Variants in ARL10 observed in about 807,000 individuals in gnomAD.
ARL10 encodes the protein ADP-ribosylation factor-like protein 10.
ARL10 carries 23 observed loss-of-function variants against 26.1 expected under a neutral mutation model. The ratio of observed to expected loss-of-function variants is 0.88; its 90% CI spans 0.63 to 1.25. ARL10 has a LOEUF of 1.25. Among genes scored for constraint, ARL10 ranks in the 50% most tolerant of loss-of-function variants. The pLI is 0.00. For missense variants in ARL10, 300 were observed against 323.6 expected (o/e 0.93, Z 0.56); for synonymous variants, 138 against 149.1 (o/e 0.93, Z 0.54).
At chr5:176,398,670 C>T (rs536774938) in intron 1 of ARL10, among the ~76,000 whole-genome samples, 2 of 152,008 alleles carry the variant, frequency 1.3e-5, no homozygotes, top group Non-Finnish European at 1.5e-5. Flanking sequence ...CGAGATCACA[C>T]CATTGCACTC....
rs1768655493 is a variant in ARL10 at position 176,375,171 on chromosome 5, C to CCCACCCACCCATCCACCCAT, written c.*3280_*3299dup. The CCCACCCACCCATCCACCCAT allele has an allele frequency of 9.6e-5, 6 of 62,518 alleles. 1 individual carries two copies. In the East Asian group the frequency reaches 3.4e-3, roughly 35 times the overall value. The allele number at this position is 62,518 out of a possible 1,614,324, so 3.9% of individuals were successfully genotyped here. A position where few individuals can be genotyped will look rare whatever the true frequency, so the allele number is the denominator to read the frequency against. ...ACCCACCCACCCATCCATCCACCCA[C>CCCACCCACCCATCCACCCAT]CCACCCACCCATCCACCCATCCATC... On this transcript the variant is annotated 3_prime_UTR_variant, in exon 4 of 4. Transcript: ENST00000310389.
Position 176,379,139 on chromosome 5 carries a change from T to C in ARL10, c.*7244T>C, listed in dbSNP as rs1284460449. ...CATGATATGTGATGGGCCTGTGCTT[T>C]CCCAACTATGTTCTTTTTTATGTAT... On this transcript the variant is annotated 3_prime_UTR_variant, in exon 4 of 4. Coordinates refer to ENST00000310389, the MANE Select transcript of ARL10 (RefSeq NM_173664.6). 2.0e-5 allele frequency: 3 copies of C among 152,130 alleles called. No homozygotes were observed. Among genetic ancestry groups the C allele is most frequent in the South Asian group, 4.1e-4 (2 of 4,830 alleles). The allele number at this position is 152,130 out of a possible 1,614,324, so 9.4% of individuals were successfully genotyped here.
At chr5:176,384,598 G>A, downstream of ARL10, 2 of 567,730 alleles carry the variant, frequency 3.5e-6, no homozygotes, top group Middle Eastern at 4.7e-4. Flanking sequence ...GCCACCCTGG[G>A]CAACCCAGTG....
At chr5:176,412,174 C>CA in the ARL10 span, among the ~76,000 whole-genome samples, 14,071 of 82,030 alleles carry the variant, frequency 0.17, 1,175 homozygotes, top group Middle Eastern at 0.27. Flanking sequence ...AGACTCATCT[C>CA]AAAAAAAAAA....
downstream of ARL10, chr5:176,389,546 G>T: frequency 6.4e-7 from 1 of 1,563,138 alleles, no homozygotes; most frequent in South Asian, 1.2e-5. Flanking sequence ...CCAAAACCCA[G>T]GGAGCAACCA....
In ARL10 at chr5:176,368,467, G is replaced by A. The variant is rs897664402; in HGVS notation, c.386-340G>A. On this transcript the variant is annotated intron_variant, in intron 2 of 3. Coordinates refer to ENST00000310389, the MANE Select transcript of ARL10 (RefSeq NM_173664.6). This position sits in a 1 kb window ranked among gnomAD's most constrained non-coding sequence, Gnocchi z 4.1. ...GTGTCAGTCCCGTGAAAGGTACATC[G>A]CACGTGGTACCTGTGGGTTTTACTG... Among the ~76,000 whole-genome samples, 1 of 152,078 alleles carries A rather than the reference G, an allele frequency of 6.6e-6. No individual in the cohort carries two copies. The highest frequency in any genetic ancestry group is 2.1e-4 in the South Asian group (1 of 4,812).
At chr5:176,413,128 T>C in the ARL10 span, among the ~76,000 whole-genome samples, 1 of 152,142 alleles carries the variant, frequency 6.6e-6, no homozygotes. Context: ...TCCAAGTACC[T>C]GTTCCCACAG....
chr5:176,372,188 T>A lies in ARL10; in HGVS notation c.*293T>A. On this transcript the variant is annotated 3_prime_UTR_variant, in exon 4 of 4. Coordinates refer to ENST00000310389, the MANE Select transcript of ARL10 (RefSeq NM_173664.6). ...GCTTTCCCTTCTCTTACCTGTACAG[T>A]GAGATGCTCAGTGGGCTCAATCCTC... 1 of 879,726 alleles carries A rather than the reference T, an allele frequency of 1.1e-6. No individual in the cohort carries two copies. The highest frequency in any genetic ancestry group is 1.5e-6 in the Non-Finnish European group (1 of 659,842). 54.5% of individuals were successfully genotyped at this position (879,726 alleles called of 1,614,324 possible). A position where few individuals can be genotyped will look rare whatever the true frequency, so the allele number is the denominator to read the frequency against.
chr5:176,412,119 T>A, the ARL10 span, among the ~76,000 whole-genome samples: 1 of 142,388 alleles, frequency 7.0e-6, no homozygotes, highest in African/African-American at 2.6e-5. Flanking sequence ...GAGCTTGCAG[T>A]GAGCCGAGAT....
chr5:176,367,956 A>G (rs1768380640), intron 2 of ARL10: 1 of 531,290 alleles, frequency 1.9e-6, no homozygotes, highest in African/African-American at 1.9e-5. Flanking sequence ...CACCCAGATC[A>G]GTGCTTGGCA....
chr5:176,370,603 G>C (rs1429298046), intron 3 of ARL10, among the ~76,000 whole-genome samples: 1 of 152,036 alleles, frequency 6.6e-6, no homozygotes, highest in African/African-American at 2.4e-5. Context: ...TCTTGTTCTG[G>C]CACTATTAAT....
At chr5:176,410,105 A>C in the ARL10 span, 1 of 658,150 alleles carries the variant, frequency 1.5e-6, no homozygotes. Flanking sequence ...TGACAAAAAA[A>C]ATTCCAAAAA....
At chr5:176,371,252 G>GGCCTA (rs1768526370) in intron 3 of ARL10, among the ~76,000 whole-genome samples, 1 of 152,216 alleles carries the variant, frequency 6.6e-6, no homozygotes. Flanking sequence ...GCTCACACCT[G>GGCCTA]TAGTCCCAGC....
rs1755490340 is a variant in ARL10 at position 176,379,238 on chromosome 5, A to T, written c.*7343A>T. 1 of 152,056 alleles carries T rather than the reference A, an allele frequency of 6.6e-6. No individual in the cohort carries two copies. The highest frequency in any genetic ancestry group is 1.5e-5 in the Non-Finnish European group (1 of 68,018). The allele number at this position is 152,056 out of a possible 1,614,324, so 9.4% of individuals were successfully genotyped here. On this transcript the variant is annotated 3_prime_UTR_variant, in exon 4 of 4. Transcript: ENST00000310389. ...AGCTGGAGTGCAGTGGTGTAATCTC[A>T]GCTCGCTGCAATCTCCGCCTCCCAG...
chr5:176,368,915 GA>G lies in ARL10; in HGVS notation c.495del (p.Gln166ArgfsTer24), dbSNP rs1561772684. 1.2e-6 allele frequency: 2 copies of G among 1,613,940 alleles called. No individual in the cohort carries two copies. Among genetic ancestry groups the G allele is most frequent in the African/African-American group, 1.3e-5 (1 of 74,920 alleles). ...GACCGACTGCGGCTGCCCTGGGCCCGACAGGAGCTGCACAAGCTGCTGGACA... is the reference window on the plus strand; with the variant it reads ...GACCGACTGCGGCTGCCCTGGGCCCGCAGGAGCTGCACAAGCTGCTGGACA... ...SADRLRLPWA[R>X]QELHKLLDKD... is the part of the protein sequence containing the mutation. On this transcript the variant is annotated frameshift_variant, in exon 3 of 4. Transcript: ENST00000310389. LOFTEE classifies it high-confidence loss of function. The surrounding 1 kb of genome is among the most constrained non-coding windows in gnomAD (Gnocchi z 4.1).
the ARL10 span, among the ~76,000 whole-genome samples, chr5:176,407,846 A>C: frequency 6.6e-6 from 1 of 152,286 alleles, no homozygotes; most frequent in Non-Finnish European, 1.5e-5. Context: ...TAGTTGAGTA[A>C]TTTTCCAGAA....
At chr5:176,391,011 C>T (rs1232202679), downstream of ARL10, among the ~76,000 whole-genome samples, 3 of 152,116 alleles carry the variant, frequency 2.0e-5, no homozygotes, top group African/African-American at 4.8e-5. Flanking sequence ...GCGCTCTTCC[C>T]GAGTGATTGT....
At chr5:176,389,384 G>T, downstream of ARL10, 3 of 1,614,106 alleles carry the variant, frequency 1.9e-6, no homozygotes, top group Non-Finnish European at 2.5e-6. Context: ...CTTCCACCGG[G>T]GCAACAGCCA....
rs769039295 is a variant in ARL10 at position 176,368,270 on chromosome 5, G to A, written c.386-537G>A. 2.0e-5 allele frequency among the ~76,000 whole-genome samples: 3 copies of A among 152,182 alleles called. No individual in the cohort carries two copies. Among genetic ancestry groups the A allele is most frequent in the African/African-American group, 7.2e-5 (3 of 41,438 alleles). ...GGGGGAAACTGAATGGAGAATGGCT[G>A]TGTATAGGCAGGGCAGGGGGTCCTG... is the stretch of plus-strand genomic sequence containing the variant. On this transcript the variant is annotated intron_variant, in intron 2 of 3. Coordinates refer to ENST00000310389, the MANE Select transcript of ARL10 (RefSeq NM_173664.6). The surrounding 1 kb of genome is among the most constrained non-coding windows in gnomAD (Gnocchi z 4.1).
Sources: allele counts gnomAD v4.1 joint callset (sites outside exome capture counted in the v4.1 genomes callset), GRCh38; gene constraint gnomAD v4.1.1; non-coding constraint Gnocchi (gnomAD v3.1); transcripts MANE v1.5; gene names NCBI Gene and HGNC (gene_info 2026-07-23, HGNC 2026-07-21).